The following ENPP6 variants were observed in gnomAD, a reference collection of about 807,000 sequenced individuals.
ENPP6 encodes ectonucleotide pyrophosphatase/phosphodiesterase 6.
In ENPP6, 32 loss-of-function variants were observed where a neutral mutation model predicts 42.0. The ratio of observed to expected loss-of-function variants is 0.76; its 90% CI spans 0.58 to 1.02. The LOEUF (loss-of-function observed/expected upper bound fraction) is 1.02. Among genes scored for constraint, ENPP6 ranks in the 50% least tolerant of loss-of-function variants. The pLI is 0.00. For synonymous variants in ENPP6, 213 were observed against 216.0 expected (o/e 0.99, Z 0.12); for missense variants, 552 against 566.8 (o/e 0.97, Z 0.27).
At chr4:184,162,097 G>T (rs1737271210) in intron 1 of ENPP6, among the ~76,000 whole-genome samples, 1 of 151,942 alleles carries the variant, frequency 6.6e-6, no homozygotes, top group Non-Finnish European at 1.5e-5. Context: ...TCCCCGCATG[G>T]TTTTTTCCTG....
chr4:184,095,713 T>C (rs1370430963), intron 7 of ENPP6, among the ~76,000 whole-genome samples: 2 of 151,702 alleles, frequency 1.3e-5, no homozygotes, highest in Non-Finnish European at 1.5e-5. Context: ...AGACTCTCAC[T>C]TGTATATAGT....
At chr4:184,103,320 G>A (rs993030462) in intron 6 of ENPP6, among the ~76,000 whole-genome samples, 1 of 152,210 alleles carries the variant, frequency 6.6e-6, no homozygotes, top group Non-Finnish European at 1.5e-5. Context: ...TTTCTCCCTT[G>A]AGGCATCACA....
intron 1 of ENPP6, among the ~76,000 whole-genome samples, chr4:184,213,168 C>T (rs1733143372): frequency 6.6e-6 from 1 of 152,028 alleles, no homozygotes; most frequent in Non-Finnish European, 1.5e-5. Context: ...CCATTCAGGA[C>T]ATAGGCATGG....
chr4:184,099,994 A>G (rs1735972290), intron 6 of ENPP6, among the ~76,000 whole-genome samples: 1 of 152,264 alleles, frequency 6.6e-6, no homozygotes, highest in Admixed American at 6.5e-5. Context: ...ATAGGTGAAG[A>G]CTGATGGCCT....
At chr4:184,112,425 C>T (rs1016954641) in intron 6 of ENPP6, among the ~76,000 whole-genome samples, 1 of 152,138 alleles carries the variant, frequency 6.6e-6, no homozygotes, top group Non-Finnish European at 1.5e-5. Context: ...AGTTAATGCC[C>T]GTTTGTTAAA....
At chr4:184,188,466 T>C (rs889579523) in intron 1 of ENPP6, among the ~76,000 whole-genome samples, 1 of 152,160 alleles carries the variant, frequency 6.6e-6, no homozygotes, top group Non-Finnish European at 1.5e-5. Context: ...TCCCACGCTC[T>C]GCTTGAGTCA....
At chr4:184,132,939 T>A (rs1455880058) in intron 2 of ENPP6, among the ~76,000 whole-genome samples, 2 of 151,960 alleles carry the variant, frequency 1.3e-5, no homozygotes, top group African/African-American at 4.8e-5. Context: ...AAATCAGGTA[T>A]TGGATCATAT....
chr4:184,162,380 A>G (rs1737275115), intron 1 of ENPP6, among the ~76,000 whole-genome samples: 1 of 152,256 alleles, frequency 6.6e-6, no homozygotes, highest in Non-Finnish European at 1.5e-5. Context: ...CTTCCTGAGT[A>G]CTTGAATGAA....
At chr4:184,203,465 C>A (rs1214435539) in intron 1 of ENPP6, among the ~76,000 whole-genome samples, 1 of 152,108 alleles carries the variant, frequency 6.6e-6, no homozygotes, top group Admixed American at 6.6e-5. Flanking sequence ...TAGAAATAAG[C>A]CCTTTGCAGA....
intron 7 of ENPP6, among the ~76,000 whole-genome samples, chr4:184,092,864 T>C (rs955112403): frequency 1.3e-5 from 2 of 152,190 alleles, no homozygotes; most frequent in African/African-American, 2.4e-5. Flanking sequence ...TGCTAAAGAA[T>C]CCTAAATACT....
chr4:184,215,357 T>A (rs1447357406), intron 1 of ENPP6, among the ~76,000 whole-genome samples: 1 of 152,200 alleles, frequency 6.6e-6, no homozygotes, highest in Non-Finnish European at 1.5e-5. Flanking sequence ...TCAAACCATA[T>A]GTTTAGCTAC....
chr4:184,145,681 A>G (rs1226865478), intron 2 of ENPP6, among the ~76,000 whole-genome samples: 1 of 152,150 alleles, frequency 6.6e-6, no homozygotes, highest in Admixed American at 6.5e-5. Context: ...TTGATGTCCA[A>G]ATTTCTTTTT....
At chr4:184,137,834 C>A (rs1363070590) in intron 2 of ENPP6, among the ~76,000 whole-genome samples, 2 of 152,210 alleles carry the variant, frequency 1.3e-5, no homozygotes, top group Non-Finnish European at 2.9e-5. Flanking sequence ...GACCTCTCAA[C>A]TGCTGCTTTT....
intron 2 of ENPP6, among the ~76,000 whole-genome samples, chr4:184,138,067 C>G (rs993170588): frequency 6.6e-6 from 1 of 152,184 alleles, no homozygotes; most frequent in Non-Finnish European, 1.5e-5. Flanking sequence ...TAAAAGGTTA[C>G]AATTTTAGAA....
At chr4:184,201,068 G>A (rs368375712) in intron 1 of ENPP6, among the ~76,000 whole-genome samples, 8 of 152,212 alleles carry the variant, frequency 5.3e-5, no homozygotes, top group East Asian at 1.9e-4. Flanking sequence ...GATGGGAGTC[G>A]GTTCAGACCA....
chr4:184,143,818 T>G (rs1399333001), intron 2 of ENPP6, among the ~76,000 whole-genome samples: 2 of 152,160 alleles, frequency 1.3e-5, no homozygotes, highest in African/African-American at 4.8e-5. Context: ...TCTGGCTTTT[T>G]AAAAAAACAT....
chr4:184,154,307 C>T lies in ENPP6; in HGVS notation c.242-574G>A, dbSNP rs145234121. The stretch of plus-strand genomic sequence containing the variant: ...CTTCAAATGCAGTGTTATACAGAAA[C>T]GAGGGCTGGTTCTGTTGAGCACAGC... On this transcript the variant is annotated intron_variant, in intron 1 of 7. Transcript: ENST00000296741. Among the ~76,000 whole-genome samples, 63 of 152,228 alleles carry T rather than the reference C, an allele frequency of 4.1e-4. No individual in the cohort carries two copies. The East Asian group carries it at 0.011, about 26-fold the overall frequency.
intron 1 of ENPP6, among the ~76,000 whole-genome samples, chr4:184,182,872 G>A (rs1278724512): frequency 2.0e-5 from 3 of 152,180 alleles, no homozygotes; most frequent in Non-Finnish European, 4.4e-5. Context: ...TGTAGAGGGA[G>A]GGAGAGCATC....
At chr4:184,217,016 G>T (rs913292073) in intron 1 of ENPP6, 5 of 152,058 alleles carry the variant, frequency 3.3e-5, no homozygotes, top group African/African-American at 9.7e-5. Flanking sequence ...GGCCAAAAAG[G>T]CAAAAGAAGG....
Sources: gnomAD v4.1 joint callset for allele counts (sites outside exome capture counted in the v4.1 genomes callset) on GRCh38, gnomAD v4.1.1 for gene constraint, MANE v1.5 for transcripts, NCBI Gene and HGNC (gene_info 2026-07-23, HGNC 2026-07-21) for gene names.